Variants in TLL1 observed in about 807,000 individuals in gnomAD.
TLL1 encodes tolloid-like protein 1.
In TLL1, 49 loss-of-function variants were observed where a neutral mutation model predicts 128.2. The observed-to-expected ratio is 0.38, with a 90% CI of 0.30 to 0.48. The LOEUF (loss-of-function observed/expected upper bound fraction) is 0.48. Ranked by LOEUF, TLL1 falls within the 20% of genes least tolerant of loss-of-function variation. The pLI, the probability that TLL1 is intolerant of heterozygous loss-of-function variation, is 0.96. For missense variants in TLL1, 1,123 were observed against 1,242.0 expected, an observed-to-expected ratio of 0.90 and a Z score of 1.44; for synonymous variants, 454 against 418.8, an observed-to-expected ratio of 1.08 and a Z score of -1.03.
rs546978706 is a variant in TLL1 at position 166,104,228 on chromosome 4, G to T, written c.*3352G>T. Among the ~76,000 whole-genome samples, 131 of 151,856 alleles carry T rather than the reference G, an allele frequency of 8.6e-4. 2 individuals are homozygous for T. Among genetic ancestry groups the T allele is most frequent in the Non-Finnish European group, 1.3e-3 (91 of 67,868 alleles). ...GCATCAAATGACTAATTTTATTTTT[G>T]CAAGGTTAAAATTTATTTTTAAAAG... On this transcript the variant is annotated 3_prime_UTR_variant, in exon 21 of 21. Transcript: ENST00000061240.
At chr4:166,012,048 T>C (rs1303793299) in intron 7 of TLL1, among the ~76,000 whole-genome samples, 3 of 151,592 alleles carry the variant, frequency 2.0e-5, no homozygotes, top group African/African-American at 4.8e-5. Flanking sequence ...GGAATGTATC[T>C]ATAGGGTCTT....
At chr4:166,025,989 T>C (rs375491264) in intron 9 of TLL1, among the ~76,000 whole-genome samples, 187 of 152,172 alleles carry the variant, frequency 1.2e-3, no homozygotes, top group African/African-American at 4.2e-3. Context: ...AAAGATATTT[T>C]AAAAGTAAAT....
intron 2 of TLL1, among the ~76,000 whole-genome samples, chr4:165,990,699 G>A (rs1736599699): frequency 6.6e-6 from 1 of 151,784 alleles, no homozygotes; most frequent in South Asian, 2.1e-4. Flanking sequence ...CATGTACTTT[G>A]TAAGAATAAG....
chr4:166,078,687 G>A (rs1370097881), intron 18 of TLL1, among the ~76,000 whole-genome samples: 1 of 151,198 alleles, frequency 6.6e-6, no homozygotes, highest in African/African-American at 2.4e-5. Flanking sequence ...AGGCCACAGA[G>A]TGTTTAAACA....
Position 166,043,278 on chromosome 4 carries a change from C to G in TLL1, c.1383C>G (p.Ile461Met), listed in dbSNP as rs746930324. 5.6e-6 allele frequency: 9 copies of G among 1,613,954 alleles called. No homozygotes were observed. Residue 461 changes from isoleucine (I) to methionine (M), a missense_variant, in exon 12 of 21, where the codon ATC becomes ATG. Physicochemically the swap from Ile to Met is conservative, Grantham distance 10. Transcript: ENST00000061240. Reference protein sequence around the residue: ...GKGFAAVYEAICGGEIRKNEG... With the variant: ...GKGFAAVYEAMCGGEIRKNEG... ...TTATTTTTTGGCTTTCTTCAGCGATCTGTGGAGGTGAGATACGTAAAAATG... is the reference window on the plus strand; with the variant it reads ...TTATTTTTTGGCTTTCTTCAGCGATGTGTGGAGGTGAGATACGTAAAAATG...
chr4:165,921,840 A>T (rs982798083), intron 1 of TLL1, among the ~76,000 whole-genome samples: 1 of 152,202 alleles, frequency 6.6e-6, no homozygotes, highest in Non-Finnish European at 1.5e-5. Context: ...TTTTTAAAAA[A>T]AAGTTTAAAC....
intron 17 of TLL1, among the ~76,000 whole-genome samples, chr4:166,075,637 A>G (rs1419321437): frequency 2.0e-5 from 3 of 152,220 alleles, no homozygotes; most frequent in Non-Finnish European, 4.4e-5. Flanking sequence ...CTGGATGAGA[A>G]CAATAAATAG....
intron 1 of TLL1, among the ~76,000 whole-genome samples, chr4:165,891,762 G>A (rs1053856438): frequency 6.6e-6 from 1 of 152,086 alleles, no homozygotes; most frequent in Non-Finnish European, 1.5e-5. Context: ...CCTGTCTTCT[G>A]AGCCCTCCAA....
chr4:165,979,351 A>G (rs1346801151), intron 1 of TLL1, among the ~76,000 whole-genome samples: 1 of 152,202 alleles, frequency 6.6e-6, no homozygotes, highest in Non-Finnish European at 1.5e-5. Context: ...GAAAAGCTGT[A>G]GTCAAATGTG....
chr4:165,968,882 GATTGTGGTT>G lies in TLL1; in HGVS notation c.170-20498_170-20490del, dbSNP rs1470431519. Among the ~76,000 whole-genome samples the G allele has an allele frequency of 5.1e-3, 781 of 152,236 alleles. 11 individuals are homozygous for G. Among genetic ancestry groups the G allele is most frequent in the African/African-American group, 0.017 (726 of 41,572 alleles). On this transcript the variant is annotated intron_variant, in intron 1 of 20. Coordinates refer to ENST00000061240, the MANE Select transcript of TLL1 (RefSeq NM_012464.5). Reference sequence around the variant, plus strand: ...TGTTACTTTGAGTCAAAGAAATACTGATTGTGGTTTAGAAAGCTACTTTTATTGCTGCCT... The same window carrying G: ...TGTTACTTTGAGTCAAAGAAATACTGTAGAAAGCTACTTTTATTGCTGCCT...
intron 1 of TLL1, among the ~76,000 whole-genome samples, chr4:165,946,993 G>T (rs1266079285): frequency 3.9e-5 from 6 of 152,094 alleles, no homozygotes; most frequent in Admixed American, 6.6e-5. Context: ...TGGATATTAA[G>T]ATTTCCAAGC....
intron 1 of TLL1, among the ~76,000 whole-genome samples, chr4:165,988,221 G>A (rs1301291791): frequency 2.0e-5 from 3 of 152,062 alleles, no homozygotes; most frequent in African/African-American, 7.2e-5. Context: ...CTTTAAAAGA[G>A]AAATTCACAT....
intron 1 of TLL1, among the ~76,000 whole-genome samples, chr4:165,950,686 TATCAA>T (rs1734469155): frequency 6.6e-6 from 1 of 151,844 alleles, no homozygotes; most frequent in South Asian, 2.1e-4. Context: ...AAAGAAGAAA[TATCAA>T]AGGAAGGGAG....
At chr4:165,921,060 T>C (rs1561029486) in intron 1 of TLL1, among the ~76,000 whole-genome samples, 3 of 152,164 alleles carry the variant, frequency 2.0e-5, no homozygotes, top group Non-Finnish European at 4.4e-5. Flanking sequence ...AGGTATACTC[T>C]AAGTTCAGAC....
At chr4:165,895,225 T>C (rs1174239482) in intron 1 of TLL1, among the ~76,000 whole-genome samples, 1 of 152,118 alleles carries the variant, frequency 6.6e-6, no homozygotes, top group Non-Finnish European at 1.5e-5. Context: ...CTGTTTGCAG[T>C]CAGTGTGACT....
intron 1 of TLL1, among the ~76,000 whole-genome samples, chr4:165,983,130 T>G (rs143467149): frequency 1.1e-3 from 168 of 151,996 alleles, no homozygotes; most frequent in African/African-American, 3.8e-3. Flanking sequence ...ACTTTTACGT[T>G]TCTGGATCAA....
At chr4:166,025,486 T>C in intron 9 of TLL1, 55 bp downstream of exon 9, 1 of 1,328,940 alleles carries the variant, frequency 7.5e-7, no homozygotes, top group Non-Finnish European at 1.1e-6. Flanking sequence ...CAAAAGTTCA[T>C]CATCCTTCAA....
intron 1 of TLL1, among the ~76,000 whole-genome samples, chr4:165,956,502 G>A (rs895278680): frequency 6.6e-5 from 10 of 151,538 alleles, no homozygotes; most frequent in South Asian, 4.2e-4. Flanking sequence ...CTACTTGCAC[G>A]TCCATTTATA....
intron 1 of TLL1, among the ~76,000 whole-genome samples, chr4:165,938,369 T>C (rs1733857621): frequency 6.6e-6 from 1 of 152,104 alleles, no homozygotes; most frequent in Admixed American, 6.5e-5. Context: ...ACAGGTGCCT[T>C]AGTGCAGGTC....
Sources: allele counts gnomAD v4.1 joint callset (sites outside exome capture counted in the v4.1 genomes callset), GRCh38; gene constraint gnomAD v4.1.1; transcripts MANE v1.5; gene names NCBI Gene and HGNC (gene_info 2026-07-23, HGNC 2026-07-21).